ANKRD26: variants seen among roughly 807,000 people sequenced by gnomAD.
ANKRD26 encodes ankyrin repeat domain 26.
ANKRD26 carries 141 observed loss-of-function variants against 208.7 expected under a neutral mutation model. That is an observed-to-expected ratio of 0.68 (90% CI 0.59 to 0.78). The LOEUF (loss-of-function observed/expected upper bound fraction) is 0.78, where lower values mean the gene tolerates loss of function less well. Among genes scored for constraint, ANKRD26 ranks in the 30% least tolerant of loss-of-function variants. ANKRD26 has a pLI of 0.00. For missense variants in ANKRD26, 1,889 were observed against 1,938.7 expected (o/e 0.97, Z 0.48); for synonymous variants, 636 against 660.4 (o/e 0.96, Z 0.57).
At chr10:27,019,385 T>C (rs2053412953) in intron 29 of ANKRD26, among the ~76,000 whole-genome samples, 1 of 152,182 alleles carries the variant, frequency 6.6e-6, no homozygotes, top group Non-Finnish European at 1.5e-5. Context: ...AGAGAATCTG[T>C]AGAATGGGAG....
At chr10:27,032,896 C>T (rs1310502925) in intron 25 of ANKRD26, among the ~76,000 whole-genome samples, 1 of 149,950 alleles carries the variant, frequency 6.7e-6, no homozygotes, top group Non-Finnish European at 1.5e-5. Flanking sequence ...ACGGTGAAAC[C>T]TCGTCTCTAC....
chr10:26,987,495 C>T (rs182979623), downstream of ANKRD26, among the ~76,000 whole-genome samples: 3 of 152,280 alleles, frequency 2.0e-5, no homozygotes, highest in East Asian at 1.9e-4. Context: ...AAGGAAACCA[C>T]GGCATAGCCT....
downstream of ANKRD26, among the ~76,000 whole-genome samples, chr10:26,987,263 C>T (rs1029489543): frequency 6.6e-6 from 1 of 151,836 alleles, no homozygotes; most frequent in Non-Finnish European, 1.5e-5. Context: ...GGGAACATCA[C>T]ACACCGGGGC....
chr10:26,994,749 G>A (rs1258903003), intron 5 of ANKRD26, among the ~76,000 whole-genome samples: 1 of 152,132 alleles, frequency 6.6e-6, no homozygotes, highest in Non-Finnish European at 1.5e-5. Flanking sequence ...GATGCTTGTT[G>A]GTCATTTTTT....
intron 32 of ANKRD26, among the ~76,000 whole-genome samples, chr10:27,010,379 G>A (rs567056173): frequency 6.6e-5 from 10 of 152,204 alleles, no homozygotes; most frequent in Middle Eastern, 3.4e-3. Flanking sequence ...CTTACATTGC[G>A]TATCTACATA....
At chr10:27,032,091 G>T (rs1209503129) in intron 25 of ANKRD26, among the ~76,000 whole-genome samples, 2 of 152,084 alleles carry the variant, frequency 1.3e-5, no homozygotes, top group East Asian at 3.8e-4. Flanking sequence ...CTGTTTAACA[G>T]GAAAAAACTC....
intron 28 of ANKRD26, 113 bp downstream of exon 28, chr10:27,024,334 T>C: frequency 1.6e-6 from 1 of 633,364 alleles, no homozygotes; most frequent in Non-Finnish European, 2.7e-6. Context: ...AGAGAATAAT[T>C]TCATTAAGAA....
At chr10:27,001,413 T>C (rs2052722371), downstream of ANKRD26, among the ~76,000 whole-genome samples, 1 of 151,954 alleles carries the variant, frequency 6.6e-6, no homozygotes, top group Non-Finnish European at 1.5e-5. Context: ...AAAGAAAAGC[T>C]CTCCCCTGCA....
chr10:27,097,680 C>T (rs865888423), intron 1 of ANKRD26, among the ~76,000 whole-genome samples: 4 of 151,644 alleles, frequency 2.6e-5, no homozygotes, highest in South Asian at 2.1e-4. Context: ...GATGGAGTCT[C>T]GCTCTGTCAC....
In ANKRD26 at chr10:27,035,513, A is replaced by G; in HGVS notation, c.2937T>C (p.Ser979=). ...QTISQYNGRL[S]VLTAENAMLN... is the part of the protein sequence containing the mutation. ...GCATTGCATTCTCAGCTGTCAGAAC[A>G]CTAAGCCGTCCATTATACTGGGATA... Residue 979 remains serine (S), a synonymous_variant, in exon 24 of 34, where the codon AGT becomes AGC. Transcript: ENST00000376087. 1 of 1,614,006 alleles carries G rather than the reference A, an allele frequency of 6.2e-7. No individual in the cohort carries two copies. Among genetic ancestry groups the G allele is most frequent in the Non-Finnish European group, 8.5e-7 (1 of 1,179,930 alleles).
chr10:26,989,290 C>T (rs2052444741), downstream of ANKRD26, among the ~76,000 whole-genome samples: 1 of 152,152 alleles, frequency 6.6e-6, no homozygotes, highest in African/African-American at 2.4e-5. Flanking sequence ...CTTTTCTCCT[C>T]TAACATTTTC....
At chr10:27,045,479 A>G (rs932357500) in intron 18 of ANKRD26, among the ~76,000 whole-genome samples, 2 of 152,104 alleles carry the variant, frequency 1.3e-5, no homozygotes, top group African/African-American at 4.8e-5. Flanking sequence ...CACTATTAGC[A>G]TAAGGCAACA....
At chr10:27,030,552 G>C (rs901705209) in intron 25 of ANKRD26, 26 of 985,274 alleles carry the variant, frequency 2.6e-5, no homozygotes, top group Non-Finnish European at 3.1e-5. Context: ...AGAAAAGCTG[G>C]AGCTCTTTGG....
chr10:27,088,182 T>A (rs1402289148), intron 4 of ANKRD26: 1 of 152,220 alleles, frequency 6.6e-6, no homozygotes, highest in African/African-American at 2.4e-5. Flanking sequence ...ACATCCCATG[T>A]GTTAGCTCCA....
intron 27 of ANKRD26, among the ~76,000 whole-genome samples, chr10:27,028,284 A>G (rs898247986): frequency 2.6e-5 from 4 of 152,166 alleles, no homozygotes; most frequent in African/African-American, 9.7e-5. Context: ...TGTTTCATGC[A>G]TAAAATTATT....
intron 4 of ANKRD26, among the ~76,000 whole-genome samples, chr10:27,091,916 G>A (rs1487811109): frequency 1.3e-5 from 2 of 151,956 alleles, no homozygotes; most frequent in Admixed American, 1.3e-4. Context: ...GAACCCAGGA[G>A]GTGGAGGTTG....
chr10:27,028,430 A>T (rs1486354191), intron 27 of ANKRD26, among the ~76,000 whole-genome samples: 2 of 151,700 alleles, frequency 1.3e-5, no homozygotes, highest in Non-Finnish European at 2.9e-5. Context: ...CCCTGTCTCT[A>T]CTAAAAATAC....
chr10:27,075,383 A>T (rs944241751), intron 9 of ANKRD26, among the ~76,000 whole-genome samples: 6 of 152,202 alleles, frequency 3.9e-5, no homozygotes, highest in African/African-American at 1.4e-4. Context: ...TACTCTCAAG[A>T]TAAAGGGGTG....
chr10:26,971,382 C>G (rs565797228), downstream of ANKRD26, among the ~76,000 whole-genome samples: 9 of 150,446 alleles, frequency 6.0e-5, no homozygotes, highest in South Asian at 1.5e-3. Flanking sequence ...AACCTTGTCT[C>G]AAAAAAAGAG....
Sources: gnomAD v4.1 joint callset for allele counts (sites outside exome capture counted in the v4.1 genomes callset) on GRCh38, gnomAD v4.1.1 for gene constraint, MANE v1.5 for transcripts, NCBI Gene and HGNC (gene_info 2026-07-23, HGNC 2026-07-21) for gene names.